Variants in NSD1 observed in about 807,000 individuals in gnomAD.
NSD1 encodes the protein nuclear receptor binding SET domain protein 1.
Under a neutral mutation model 242.7 loss-of-function variants are expected in NSD1, and 26 were observed. The observed-to-expected ratio is 0.11, with a 90% CI of 0.08 to 0.15. NSD1 has a LOEUF of 0.15. Ranked by LOEUF, NSD1 falls within the 10% of genes least tolerant of loss-of-function variation. The pLI, the probability that NSD1 is intolerant of heterozygous loss-of-function variation, is 1.00. For missense variants in NSD1, 2,495 were observed against 3,272.8 expected (o/e 0.76, Z 5.80); for synonymous variants, 1,106 against 1,178.1 (o/e 0.94, Z 1.25).
intron 13 of NSD1, among the ~76,000 whole-genome samples, chr5:177,257,679 T>C (rs983697503): frequency 1.3e-5 from 2 of 152,174 alleles, no homozygotes; most frequent in African/African-American, 2.4e-5. Context: ...CAGGGCTCCA[T>C]AGAACACAAT....
At chr5:177,237,640 C>T (rs1765559052) in intron 6 of NSD1, among the ~76,000 whole-genome samples, 1 of 147,394 alleles carries the variant, frequency 6.8e-6, no homozygotes, top group African/African-American at 2.5e-5. Flanking sequence ...TCACACCATT[C>T]TCCTGCCTCA....
intron 20 of NSD1, among the ~76,000 whole-genome samples, chr5:177,284,272 C>T (rs1008571600): frequency 6.6e-6 from 1 of 152,128 alleles, no homozygotes. Context: ...TCATTTCATT[C>T]ATTCATTGAT....
chr5:177,260,119 C>T lies in NSD1; in HGVS notation c.5097C>T (p.Cys1699=), dbSNP rs2149918041. The change falls in exon 14 of 23, where the codon TGC becomes TGT. Residue 1699 remains cysteine, a synonymous_variant. Coordinates refer to ENST00000439151, the MANE Select transcript of NSD1 (RefSeq NM_022455.5). ...CPNHFTPRRG[C]RNHEHVNVSW... Reference sequence around the variant, plus strand: ...ATCACTTTACCCCTAGGCGGGGCTGCCGAAATCATGAGCATGTTAATGTTA... The same window carrying T: ...ATCACTTTACCCCTAGGCGGGGCTGTCGAAATCATGAGCATGTTAATGTTA... 2 of 1,614,008 alleles carry T rather than the reference C, an allele frequency of 1.2e-6. No individual in the cohort carries two copies. Among genetic ancestry groups the T allele is most frequent in the Non-Finnish European group, 1.7e-6 (2 of 1,180,010 alleles).
rs1301179606 is a variant in NSD1 at position 177,199,542 on chromosome 5, G to A, written c.1064-4578G>A. On this transcript the variant is annotated intron_variant, in intron 3 of 22. Transcript: ENST00000439151. ...AAAGTGTTTGGATTATAGGCGTGAA[G>A]CCTCTGCGTCTGGCCAGCCTTCATA... 3.3e-5 allele frequency among the ~76,000 whole-genome samples: 5 copies of A among 151,222 alleles called. No individual in the cohort carries two copies. In the East Asian group the frequency reaches 9.6e-4, roughly 29 times the overall value.
chr5:177,152,257 C>T (rs149984171), intron 2 of NSD1, among the ~76,000 whole-genome samples: 4 of 151,360 alleles, frequency 2.6e-5, no homozygotes, highest in Non-Finnish European at 4.4e-5. Context: ...CCTCCTGCCT[C>T]GGCCTCCCAA....
chr5:177,138,038 G>T (rs1421125599), intron 2 of NSD1, among the ~76,000 whole-genome samples: 2 of 151,240 alleles, frequency 1.3e-5, no homozygotes, highest in Non-Finnish European at 2.9e-5. Context: ...TTGCGCCATT[G>T]CACTCCATAC....
At chr5:177,257,751 T>C (rs1756609447) in intron 13 of NSD1, among the ~76,000 whole-genome samples, 2 of 152,106 alleles carry the variant, frequency 1.3e-5, no homozygotes, top group African/African-American at 4.8e-5. Flanking sequence ...TGAGAAAGTG[T>C]TCTGCTGCAT....
chr5:177,262,910 T>C (rs1200770678), intron 14 of NSD1, among the ~76,000 whole-genome samples: 1 of 152,260 alleles, frequency 6.6e-6, no homozygotes, highest in East Asian at 1.9e-4. Flanking sequence ...CATTGCTTCC[T>C]CTGCCCTATT....
intron 2 of NSD1, among the ~76,000 whole-genome samples, chr5:177,147,886 G>C (rs568084604): frequency 6.6e-6 from 1 of 151,232 alleles, no homozygotes; most frequent in Non-Finnish European, 1.5e-5. Flanking sequence ...CACTGCGCAC[G>C]GCCCTAGTTT....
chr5:177,290,939 A>C (rs897189992), intron 21 of NSD1, among the ~76,000 whole-genome samples: 6 of 152,182 alleles, frequency 3.9e-5, no homozygotes, highest in Admixed American at 2.6e-4. Flanking sequence ...TGATGTCTGC[A>C]TGGGATAGCA....
In NSD1 at chr5:177,182,890, G is replaced by A. The variant is rs569684260; in HGVS notation, c.928-8994G>A. ...TGACCTCAGGTGATCCGCCCACCTC[G>A]GCCTCCCAAAGTGCTGGCATTACAG... On this transcript the variant is annotated intron_variant, in intron 2 of 22. Transcript: ENST00000439151. Among the ~76,000 whole-genome samples the A allele has an allele frequency of 1.3e-4, 20 of 152,160 alleles. 1 individual carries two copies. Among genetic ancestry groups the A allele is most frequent in the African/African-American group, 4.6e-4 (19 of 41,536 alleles).
In NSD1 at chr5:177,135,821, CAAA is replaced by C; in HGVS notation, c.719_721del (p.Gln240del). 1.2e-6 allele frequency: 2 copies of C among 1,607,922 alleles called. No homozygotes were observed. Among genetic ancestry groups the C allele is most frequent in the Non-Finnish European group, 8.5e-7 (1 of 1,175,696 alleles). ...TCAGACTGAAACACAGAAAAATAAG[CAAA>C]GAAATGAAGTGGACGGCAGCAATGA... On this transcript the variant is annotated inframe_deletion, in exon 2 of 23. Transcript: ENST00000439151.
chr5:177,161,229 T>A (rs1758720391), intron 2 of NSD1, among the ~76,000 whole-genome samples: 1 of 151,840 alleles, frequency 6.6e-6, no homozygotes, highest in Non-Finnish European at 1.5e-5. Flanking sequence ...ACAAAAAAAA[T>A]AAATTAGCTG....
chr5:177,144,223 T>G (rs1757053114), intron 2 of NSD1, among the ~76,000 whole-genome samples: 1 of 151,992 alleles, frequency 6.6e-6, no homozygotes, highest in Non-Finnish European at 1.5e-5. Flanking sequence ...TTTTTGAGTT[T>G]TTTTTTTTTT....
At chr5:177,252,202 A>C (rs1581444418) in intron 12 of NSD1, among the ~76,000 whole-genome samples, 1 of 152,220 alleles carries the variant, frequency 6.6e-6, no homozygotes, top group Admixed American at 6.5e-5. Context: ...CGTGTAAAAC[A>C]TTTGGGGAAT....
chr5:177,191,863 C>T lies in NSD1; in HGVS notation c.928-21C>T, dbSNP rs754641239. The T allele has an allele frequency of 4.8e-5, 78 of 1,612,758 alleles. 1 individual carries two copies. The highest frequency in any genetic ancestry group is 4.5e-4 in the Admixed American group (27 of 59,950). ...AAATATTTTGATTCTTATTGATGCC[C>T]CATGTTTTGTCTGTCTAAAGTGTCA... On this transcript the variant is annotated intron_variant, in intron 2 of 22. Coordinates refer to ENST00000439151, the MANE Select transcript of NSD1 (RefSeq NM_022455.5).
chr5:177,133,845 G>C lies in NSD1; in HGVS notation c.-125G>C, dbSNP rs1335496392. ...CCCCTGAAGAGAGACGCGGGGGGAG[G>C]GGGGTGCGGCGAGCGGCCCCGCTCT... On this transcript the variant is annotated 5_prime_UTR_variant, in exon 1 of 23. Coordinates refer to ENST00000439151, the MANE Select transcript of NSD1 (RefSeq NM_022455.5). This position sits in a 1 kb window ranked among gnomAD's most constrained non-coding sequence, Gnocchi z 6.2. The C allele has an allele frequency of 6.6e-6, 1 of 150,740 alleles. No individual in the cohort carries two copies. The highest frequency in any genetic ancestry group is 1.5e-5 in the Non-Finnish European group (1 of 67,534). 9.3% of individuals were successfully genotyped at this position (150,740 alleles called of 1,614,324 possible). A position where few individuals can be genotyped will look rare whatever the true frequency, so the allele number is the denominator to read the frequency against.
intron 2 of NSD1, among the ~76,000 whole-genome samples, chr5:177,150,923 A>G (rs1467260367): frequency 6.6e-6 from 1 of 152,248 alleles, no homozygotes; most frequent in Non-Finnish European, 1.5e-5. Context: ...TTTACATTCA[A>G]AAGCATTTCT....
chr5:177,283,232 G>A (rs757226034), intron 19 of NSD1, among the ~76,000 whole-genome samples: 3 of 152,196 alleles, frequency 2.0e-5, no homozygotes, highest in Non-Finnish European at 4.4e-5. Flanking sequence ...GGGATTACAG[G>A]CATGAGCCAC....
Sources: allele counts gnomAD v4.1 joint callset (sites outside exome capture counted in the v4.1 genomes callset), GRCh38; gene constraint gnomAD v4.1.1; non-coding constraint Gnocchi (gnomAD v3.1); transcripts MANE v1.5; gene names NCBI Gene and HGNC (gene_info 2026-07-23, HGNC 2026-07-21).